The following MAST4 variants were observed in gnomAD, a reference collection of about 807,000 sequenced individuals.
MAST4 encodes microtubule associated serine/threonine kinase family member 4, also known as microtubule-associated serine/threonine-protein kinase 4.
Under a neutral mutation model 162.7 loss-of-function variants are expected in MAST4, and 89 were observed. That is an observed-to-expected ratio of 0.55 (90% CI 0.46 to 0.65). The LOEUF (loss-of-function observed/expected upper bound fraction) is 0.65, where lower values mean the gene tolerates loss of function less well. Ranked by LOEUF, MAST4 falls within the 30% of genes least tolerant of loss-of-function variation. MAST4 has a pLI of 0.00. For synonymous variants in MAST4, 1,479 were observed against 1,361.1 expected, an observed-to-expected ratio of 1.09 and a Z score of -1.91; for missense variants, 3,153 against 3,374.0, an observed-to-expected ratio of 0.93 and a Z score of 1.62.
chr5:67,136,722 C>T, intron 19 of MAST4, 58 bp downstream of exon 19: 1 of 1,322,910 alleles, frequency 7.6e-7, no homozygotes, highest in Non-Finnish European at 1.1e-6. Flanking sequence ...CTACATGGAG[C>T]ACTCTGAAGC....
intron 3 of MAST4, among the ~76,000 whole-genome samples, chr5:66,895,296 C>A (rs539950931): frequency 6.6e-6 from 1 of 152,238 alleles, no homozygotes; most frequent in South Asian, 2.1e-4. Flanking sequence ...TGGCGAAGTC[C>A]CTGTGGCTTT....
chr5:67,115,963 C>T (rs759296616), intron 12 of MAST4, among the ~76,000 whole-genome samples: 1 of 151,974 alleles, frequency 6.6e-6, no homozygotes, highest in African/African-American at 2.4e-5. Context: ...GTTAAGATTG[C>T]GTCAGCTCTT....
intron 1 of MAST4, among the ~76,000 whole-genome samples, chr5:66,615,961 T>C (rs770903472): frequency 1.2e-4 from 19 of 152,236 alleles, no homozygotes; most frequent in Non-Finnish European, 2.8e-4. Context: ...TTAATGAACT[T>C]ACCCTTGCCG....
At chr5:66,961,412 A>G (rs1453166590) in intron 4 of MAST4, among the ~76,000 whole-genome samples, 1 of 152,190 alleles carries the variant, frequency 6.6e-6, no homozygotes, top group African/African-American at 2.4e-5. Context: ...GGAGTATTAT[A>G]TGAGCCTATT....
intron 1 of MAST4, among the ~76,000 whole-genome samples, chr5:66,651,224 G>A (rs1746197086): frequency 6.6e-6 from 1 of 151,660 alleles, no homozygotes; most frequent in Admixed American, 6.6e-5. Context: ...TGTAATAGCT[G>A]CTATTCAGGA....
At position 67,165,147 on chromosome 5, in the gene MAST4, G is replaced by T. The variant is rs367954921; in HGVS notation, c.5968G>T (p.Ala1990Ser). 5.4e-5 allele frequency: 86 copies of T among 1,594,458 alleles called. No homozygotes were observed. Among genetic ancestry groups the T allele is most frequent in the Non-Finnish European group, 6.7e-5 (79 of 1,170,400 alleles). The stretch of plus-strand genomic sequence containing the variant: ...CAGAAGCGAGCGCTCTGCTGCGAGG[G>T]CTGACACATGCAGAGAGCCCTCCAT... ...TARSERSAAR[A>S]DTCREPSMEL... Residue 1990 changes from alanine to serine, a missense_variant, in exon 29 of 29, where the codon GCT becomes TCT. Coordinates refer to ENST00000403625, the MANE Select transcript of MAST4 (RefSeq NM_001164664.2).
At position 67,167,026 on chromosome 5, in the gene MAST4, G is replaced by A. The variant is rs768177849; in HGVS notation, c.7847G>A (p.Ser2616Asn). 7 of 1,596,412 alleles carry A rather than the reference G, an allele frequency of 4.4e-6. No individual in the cohort carries two copies. Among genetic ancestry groups the A allele is most frequent in the Non-Finnish European group, 6.0e-6 (7 of 1,170,932 alleles). Reference sequence around the variant, plus strand: ...AGGCGGGGGAAAGAGAGTTTGCGTAGCAGCCCTCACAAAAAGGCCTTGTAA... The same window carrying A: ...AGGCGGGGGAAAGAGAGTTTGCGTAACAGCCCTCACAAAAAGGCCTTGTAA... Reference protein sequence around the residue: ...RQRRGKESLRSSPHKKAL With the variant: ...RQRRGKESLRNSPHKKAL The change falls in exon 29 of 29, where the codon AGC (serine) becomes AAC (asparagine). Residue 2616 changes from serine to asparagine, a missense_variant. By Grantham distance (46) the Ser-to-Asn change is conservative. Coordinates refer to ENST00000403625, the MANE Select transcript of MAST4 (RefSeq NM_001164664.2).
intron 3 of MAST4, among the ~76,000 whole-genome samples, chr5:66,845,126 T>TATATATACATATAC (rs1358855625): frequency 1.5e-5 from 1 of 67,172 alleles, no homozygotes; most frequent in Non-Finnish European, 2.8e-5. Flanking sequence ...TATATATATA[T>TATATATACATATAC]ACACACACAC....
chr5:67,163,624 G>A lies in MAST4; in HGVS notation c.4445G>A (p.Arg1482Gln), dbSNP rs948541578. 3.1e-6 allele frequency: 5 copies of A among 1,604,420 alleles called. No individual in the cohort carries two copies. In the African/African-American group the frequency reaches 4.0e-5, roughly 13 times the overall value. The part of the protein sequence containing the change: ...QEEVQREQSQ[R>Q]EAPLQSLDEN... ...GAGGTGCAGCGGGAGCAGTCCCAGC[G>A]GGAGGCGCCGCTGCAGAGCCTGGAT... The change falls in exon 29 of 29, where the codon CGG becomes CAG. Residue 1482 changes from arginine to glutamine, a missense_variant. By Grantham distance (43) the Arg-to-Gln change is conservative. This residue lies in a region of MAST4 where 1,644 missense variants were observed against 1,495.0 expected (regional missense o/e 1.10). Coordinates refer to ENST00000403625, the MANE Select transcript of MAST4 (RefSeq NM_001164664.2). The surrounding 1 kb of genome is among the most constrained non-coding windows in gnomAD (Gnocchi z 7.0).
chr5:66,771,596 C>T (rs893306226), intron 2 of MAST4, among the ~76,000 whole-genome samples: 1 of 152,118 alleles, frequency 6.6e-6, no homozygotes, highest in Non-Finnish European at 1.5e-5. Context: ...AGGCTTCCTC[C>T]CCCCACTCCC....
rs7713060 is a variant in MAST4 at position 66,928,468 on chromosome 5, C to T, written c.674+28486C>T. Among the ~76,000 whole-genome samples, 979 of 152,310 alleles carry T rather than the reference C, an allele frequency of 6.4e-3. 7 individuals carry two copies. Among genetic ancestry groups the T allele is most frequent in the African/African-American group, 0.022 (900 of 41,556 alleles). ...TTGCTCTTTGCTGCTGTTTCTTTCACGCTCAATCCGGGCTTTCCTCCACAG... is the reference window on the plus strand; with the variant it reads ...TTGCTCTTTGCTGCTGTTTCTTTCATGCTCAATCCGGGCTTTCCTCCACAG... On this transcript the variant is annotated intron_variant, in intron 4 of 28. Coordinates refer to ENST00000403625, the MANE Select transcript of MAST4 (RefSeq NM_001164664.2).
rs766902628 is a variant in MAST4, at chr5:67,100,452, G to A, written c.930G>A (p.Gln310=). The A allele has an allele frequency of 1.1e-5, 17 of 1,613,680 alleles. No individual in the cohort carries two copies. The highest frequency in any genetic ancestry group is 1.4e-5 in the Non-Finnish European group (16 of 1,179,828). The change falls in exon 8 of 29, where the codon CAG becomes CAA. Residue 310 remains glutamine (Q), a synonymous_variant. Coordinates refer to ENST00000403625, the MANE Select transcript of MAST4 (RefSeq NM_001164664.2). ...SSTVSSSCSS[Q]EKLHQLPYQP... Reference sequence around the variant, plus strand: ...TTTTTCAGTCATCCTGTTCCTCCCAGGAGAAGTTGCATCAGTTACCATACC... The same window carrying A: ...TTTTTCAGTCATCCTGTTCCTCCCAAGAGAAGTTGCATCAGTTACCATACC...
intron 1 of MAST4, among the ~76,000 whole-genome samples, chr5:66,639,405 G>A (rs1037363838): frequency 2.6e-5 from 4 of 151,874 alleles, no homozygotes; most frequent in African/African-American, 7.3e-5. Flanking sequence ...TTGTACATTT[G>A]ATTTTTGGAA....
intron 5 of MAST4, among the ~76,000 whole-genome samples, chr5:67,065,306 G>A (rs768714023): frequency 4.5e-4 from 69 of 152,098 alleles, no homozygotes; most frequent in Middle Eastern, 3.2e-3. Flanking sequence ...TTCGGTGACC[G>A]TCACAGTGAT....
intron 1 of MAST4, among the ~76,000 whole-genome samples, chr5:66,759,357 T>G (rs1021910185): frequency 7.9e-5 from 12 of 152,138 alleles, no homozygotes; most frequent in African/African-American, 2.9e-4. Flanking sequence ...AATAAAACAT[T>G]TCATGAAACA....
rs151222006 is a variant in MAST4 at position 66,984,942 on chromosome 5, T to C, written c.675-69462T>C. 4.2e-3 allele frequency among the ~76,000 whole-genome samples: 632 copies of C among 152,280 alleles called. 3 individuals are homozygous for C. The highest frequency in any genetic ancestry group is 0.015 in the African/African-American group (611 of 41,548). On this transcript the variant is annotated intron_variant, in intron 4 of 28. Coordinates refer to ENST00000403625, the MANE Select transcript of MAST4 (RefSeq NM_001164664.2). ...GTTTGTGTTGAATTTGAGATCTTTA[T>C]ATGATACTCATGTGGAATCTGGAAT...
chr5:67,014,668 A>T (rs1015746066), intron 4 of MAST4, among the ~76,000 whole-genome samples: 1 of 152,122 alleles, frequency 6.6e-6, no homozygotes, highest in Non-Finnish European at 1.5e-5. Context: ...ATCAATAGTG[A>T]CTTTCTTAAC....
chr5:66,696,696 G>C (rs1295442059), intron 1 of MAST4, among the ~76,000 whole-genome samples: 1 of 152,066 alleles, frequency 6.6e-6, no homozygotes, highest in African/African-American at 2.4e-5. Flanking sequence ...ATCCTTTCAA[G>C]AATCTGCAAG....
At chr5:66,793,044 A>T (rs1324021421) in intron 3 of MAST4, among the ~76,000 whole-genome samples, 1 of 152,200 alleles carries the variant, frequency 6.6e-6, no homozygotes, top group Non-Finnish European at 1.5e-5. Flanking sequence ...GAAGGCCCTG[A>T]GGTTTGGTAG....
Sources: gnomAD v4.1 joint callset for allele counts (sites outside exome capture counted in the v4.1 genomes callset) on GRCh38, gnomAD v4.1.1 for gene constraint, gnomAD v4.1.1 regional missense constraint, Gnocchi (gnomAD v3.1) non-coding constraint, MANE v1.5 for transcripts, NCBI Gene and HGNC (gene_info 2026-07-23, HGNC 2026-07-21) for gene names.